LIPA: variants seen among roughly 807,000 people sequenced by gnomAD.
The protein encoded by LIPA is lipase A, lysosomal acid type.
A neutral mutation model predicts 40.6 loss-of-function variants in LIPA; 26 were observed. That is an observed-to-expected ratio of 0.64 (90% confidence interval 0.47 to 0.89). LIPA has a LOEUF of 0.89. Ranked by LOEUF, LIPA falls within the 40% of genes least tolerant of loss-of-function variation. LIPA has a pLI of 0.00. For synonymous variants in LIPA, 188 were observed against 168.4 expected, an observed-to-expected ratio of 1.12 and a Z score of -0.90; for missense variants, 455 against 479.6, an observed-to-expected ratio of 0.95 and a Z score of 0.48.
rs552685174 is a variant in LIPA at position 89,299,923 on chromosome 10, T to G, written c.-2+42688A>C. On this transcript the variant is annotated intron_variant, in intron 1 of 5. Coordinates refer to the LIPA transcript ENST00000282673. ...CAGCAATCACACTACTGGATGTCTATCCAAAGGAAAATAAATCAGTAAATC... is the reference window on the plus strand; with the variant it reads ...CAGCAATCACACTACTGGATGTCTAGCCAAAGGAAAATAAATCAGTAAATC... Among the ~76,000 whole-genome samples, 13 of 152,324 alleles carry G rather than the reference T, an allele frequency of 8.5e-5. No individual in the cohort carries two copies. The South Asian group carries it at 2.7e-3, about 32-fold the overall frequency.
chr10:89,247,832 T>C (rs1843049607), intron 1 of LIPA, 183 bp from the exon 2 acceptor site: 2 of 258,640 alleles, frequency 7.7e-6, no homozygotes. Context: ...TTAAATTTTA[T>C]TTATTTATTT....
chr10:89,279,716 T>G (rs777376367), intron 1 of LIPA, among the ~76,000 whole-genome samples: 1 of 151,948 alleles, frequency 6.6e-6, no homozygotes, highest in Non-Finnish European at 1.5e-5. Flanking sequence ...GAATTGACAG[T>G]GGAAGGAGGG....
intron 9 of LIPA, 35 bp downstream of exon 9, chr10:89,215,903 A>C: frequency 1.7e-4 from 211 of 1,257,270 alleles, no homozygotes; most frequent in Non-Finnish European, 2.2e-4. Context: ...ATGAGTTTTC[A>C]GGGCCCCCTT....
chr10:89,374,865 T>C (rs1195166457), intron 2 of LIPA, among the ~76,000 whole-genome samples: 1 of 152,190 alleles, frequency 6.6e-6, no homozygotes, highest in African/African-American at 2.4e-5. Context: ...TGCTGGGCTC[T>C]ATGTGTAGAT....
intron 2 of LIPA, among the ~76,000 whole-genome samples, chr10:89,376,661 A>T (rs919073701): frequency 6.6e-6 from 1 of 152,210 alleles, no homozygotes; most frequent in Non-Finnish European, 1.5e-5. Context: ...ATATTTTCCA[A>T]CTGGATTCGA....
At chr10:89,384,429 T>G in intron 2 of LIPA, 1 of 1,614,190 alleles carries the variant, frequency 6.2e-7, no homozygotes, top group Non-Finnish European at 8.5e-7. Flanking sequence ...TGAAGATCTT[T>G]GAAGATCAGC....
intron 1 of LIPA, among the ~76,000 whole-genome samples, chr10:89,261,268 A>G (rs1843205868): frequency 6.6e-6 from 1 of 152,208 alleles, no homozygotes; most frequent in Non-Finnish European, 1.5e-5. Flanking sequence ...TAGAAATTTG[A>G]ATTAGTAGTC....
At chr10:89,221,317 T>G (rs949800641) in intron 8 of LIPA, among the ~76,000 whole-genome samples, 1 of 151,954 alleles carries the variant, frequency 6.6e-6, no homozygotes, top group Non-Finnish European at 1.5e-5. Context: ...ATCGCACCAC[T>G]ACACTCCAGC....
chr10:89,309,571 C>T (rs1047649041), intron 1 of LIPA, among the ~76,000 whole-genome samples: 6 of 152,042 alleles, frequency 3.9e-5, no homozygotes, highest in African/African-American at 7.3e-5. Flanking sequence ...ACAGGTATGC[C>T]GACCTTGAGA....
At chr10:89,384,578 TAG>T (rs1273731238) in intron 2 of LIPA, 5 of 1,614,190 alleles carry the variant, frequency 3.1e-6, no homozygotes, top group Non-Finnish European at 4.2e-6. Context: ...CTCAATGCTT[TAG>T]AGAAATTGGC....
upstream of LIPA, among the ~76,000 whole-genome samples, chr10:89,343,782 T>C (rs1164660662): frequency 6.6e-6 from 1 of 152,130 alleles, no homozygotes; most frequent in Non-Finnish European, 1.5e-5. Flanking sequence ...GGGCAGTACT[T>C]ATGTGTGGGA....
intron 2 of LIPA, among the ~76,000 whole-genome samples, chr10:89,373,278 T>C (rs1178402403): frequency 7.3e-6 from 1 of 136,680 alleles, no homozygotes; most frequent in Non-Finnish European, 1.5e-5. Flanking sequence ...GAGCTTACAG[T>C]GAGCCAAGAT....
chr10:89,384,457 T>TACC (rs1844189271), intron 2 of LIPA: 1 of 1,614,202 alleles, frequency 6.2e-7, no homozygotes, highest in African/African-American at 1.3e-5. Context: ...AGAGATTCAT[T>TACC]ACCACTACGG....
At chr10:89,281,308 T>C (rs1214994252) in intron 1 of LIPA, among the ~76,000 whole-genome samples, 2 of 152,180 alleles carry the variant, frequency 1.3e-5, no homozygotes, top group Non-Finnish European at 2.9e-5. Context: ...TCCCAGGCCT[T>C]GATATCTAAG....
At chr10:89,343,716 A>C (rs574396086), upstream of LIPA, among the ~76,000 whole-genome samples, 1 of 152,300 alleles carries the variant, frequency 6.6e-6, no homozygotes, top group South Asian at 2.1e-4. Flanking sequence ...CAACTAACTT[A>C]GAGGAGCAGG....
At chr10:89,303,756 A>C (rs1224241763) in intron 1 of LIPA, among the ~76,000 whole-genome samples, 1 of 152,228 alleles carries the variant, frequency 6.6e-6, no homozygotes, top group East Asian at 1.9e-4. Flanking sequence ...AAAGGAGCTA[A>C]GGAGTTTATG....
intron 1 of LIPA, among the ~76,000 whole-genome samples, chr10:89,293,227 C>T (rs1218525803): frequency 1.3e-5 from 2 of 152,136 alleles, no homozygotes; most frequent in Admixed American, 6.5e-5. Context: ...AAGAAGGTGC[C>T]TTGCTTCCCC....
intron 2 of LIPA, among the ~76,000 whole-genome samples, chr10:89,394,629 A>AT (rs1429080862): frequency 0.023 from 589 of 26,144 alleles, 89 homozygotes; most frequent in African/African-American, 0.094. Flanking sequence ...TATATATATA[A>AT]AACTTGAATT....
intron 1 of LIPA, among the ~76,000 whole-genome samples, chr10:89,292,812 C>CTT (rs376717872): frequency 6.9e-6 from 1 of 145,868 alleles, no homozygotes. Context: ...TGCCTGGCTA[C>CTT]TTTTTTTTTT....
Sources: allele counts gnomAD v4.1 joint callset (sites outside exome capture counted in the v4.1 genomes callset), GRCh38; gene constraint gnomAD v4.1.1; transcripts MANE v1.5; gene names NCBI Gene and HGNC (gene_info 2026-07-23, HGNC 2026-07-21).